RAB33A: variants seen among roughly 807,000 people sequenced by gnomAD.
RAB33A encodes the protein ras-related protein Rab-33A.
A neutral mutation model predicts 12.0 loss-of-function variants in RAB33A; 6 were observed. The observed-to-expected ratio is 0.50, with a 90% CI of 0.27 to 0.99. RAB33A has a LOEUF of 0.99. Among genes scored for constraint, RAB33A ranks in the 50% least tolerant of loss-of-function variants. RAB33A has a pLI of 0.11. For missense variants in RAB33A, 109 were observed against 192.0 expected, an observed-to-expected ratio of 0.57 and a Z score of 2.55; for synonymous variants, 70 against 82.4, an observed-to-expected ratio of 0.85 and a Z score of 0.81.
chrX:130,164,792 TATTA>T, the RAB33A span, among the ~76,000 whole-genome samples: 8 of 111,939 alleles, frequency 7.1e-5, no homozygotes, highest in Non-Finnish European at 1.1e-4. Flanking sequence ...TAGCTCTACC[TATTA>T]ATTAACTATG....
upstream of RAB33A, among the ~76,000 whole-genome samples, chrX:130,169,268 A>G (rs1837559021): frequency 9.0e-6 from 1 of 111,164 alleles, no homozygotes; most frequent in African/African-American, 3.3e-5. Flanking sequence ...TATTTACTTA[A>G]CATTTTAACA....
the RAB33A span, chrX:130,136,745 C>G: frequency 8.3e-7 from 1 of 1,201,513 alleles, no homozygotes; most frequent in Non-Finnish European, 1.1e-6. Flanking sequence ...TAAAGGCAAA[C>G]AAGACCTGAG....
At chrX:130,145,359 T>A in the RAB33A span, 1 of 592,321 alleles carries the variant, frequency 1.7e-6, no homozygotes, top group Non-Finnish European at 2.9e-6. Flanking sequence ...AGCAGCTCGA[T>A]CCTTCTTTGA....
At position 130,171,987 on chromosome X, in the gene RAB33A, C is replaced by A. The variant is rs1298326826; in HGVS notation, c.-76C>A. The A allele has an allele frequency of 4.7e-6, 5 of 1,066,705 alleles. No homozygotes were observed. The highest frequency in any genetic ancestry group is 6.2e-6 in the Non-Finnish European group (5 of 811,570). The allele number at this position is 1,066,705 out of a possible 1,213,427, so 87.9% of individuals were successfully genotyped here. ...ACACACGCACAGAGCTCGCTCGCCT[C>A]GAGCGCACGAACGTGGACGTTCTCT... On this transcript the variant is annotated 5_prime_UTR_variant, in exon 1 of 2. Transcript: ENST00000257017.
the RAB33A span, chrX:130,131,843 A>G: frequency 1.7e-6 from 2 of 1,198,836 alleles, no homozygotes; most frequent in Non-Finnish European, 2.3e-6. Context: ...ACTGTAAGGA[A>G]TGACACGGTA....
At chrX:130,154,045 T>C in the RAB33A span, among the ~76,000 whole-genome samples, 3 of 112,500 alleles carry the variant, frequency 2.7e-5, no homozygotes, top group Non-Finnish European at 3.7e-5. Context: ...AAGTTTTCAA[T>C]AATTTAGAAC....
chrX:130,172,377 G>A (rs2031620074), intron 1 of RAB33A, 57 bp downstream of exon 1: 1 of 1,147,011 alleles, frequency 8.7e-7, no homozygotes, highest in Non-Finnish European at 1.2e-6. Context: ...CCTCGCCCGA[G>A]GCATAGCTCT....
At chrX:130,166,273 T>C in the RAB33A span, among the ~76,000 whole-genome samples, 1 of 111,776 alleles carries the variant, frequency 8.9e-6, no homozygotes, top group Admixed American at 9.5e-5. Context: ...TTCCATCTTT[T>C]ACCAGTTGCC....
chrX:130,168,210 C>CTTT (rs377586962), upstream of RAB33A, among the ~76,000 whole-genome samples: 2 of 94,168 alleles, frequency 2.1e-5, no homozygotes. Context: ...CAAAGATACT[C>CTTT]TTTTTTTTTT....
At chrX:130,171,931 C>A (rs1445801037), upstream of RAB33A, 5 of 793,843 alleles carry the variant, frequency 6.3e-6, no homozygotes, top group Non-Finnish European at 8.6e-6. Flanking sequence ...CGCACGCACA[C>A]ACGGGCGGAC....
chrX:130,143,446 G>C, the RAB33A span, among the ~76,000 whole-genome samples: 6 of 111,194 alleles, frequency 5.4e-5, no homozygotes, highest in African/African-American at 1.3e-4. Flanking sequence ...AATCATCTTT[G>C]CCTCCTCCAT....
the RAB33A span, among the ~76,000 whole-genome samples, chrX:130,124,331 TAC>T: frequency 8.9e-6 from 1 of 112,053 alleles, no homozygotes; most frequent in Admixed American, 9.5e-5. Flanking sequence ...AAGAAATGAA[TAC>T]ATTTATTTGT....
the RAB33A span, among the ~76,000 whole-genome samples, chrX:130,148,407 T>C: frequency 6.3e-5 from 7 of 111,517 alleles, no homozygotes; most frequent in Non-Finnish European, 9.4e-5. Context: ...TCTCTGAAAA[T>C]TGAAGTGAAT....
chrX:130,184,758 A>G lies in RAB33A; in HGVS notation c.*18A>G, dbSNP rs765300586. 2.5e-6 allele frequency: 3 copies of G among 1,182,302 alleles called. No homozygotes were observed. The Admixed American group carries it at 6.8e-5, about 27-fold the overall frequency. On this transcript the variant is annotated 3_prime_UTR_variant, in exon 2 of 2. Coordinates refer to ENST00000257017, the MANE Select transcript of RAB33A (RefSeq NM_004794.3). ...CTTGTTGAAACCAAACGATATAAAT[A>G]CAAGATAAATTATCACTGGAGTTTT...
chrX:130,175,877 C>T (rs1245887032), intron 1 of RAB33A, among the ~76,000 whole-genome samples: 1 of 111,637 alleles, frequency 9.0e-6, no homozygotes, highest in Admixed American at 9.5e-5. Context: ...TTCTGTGATC[C>T]AGTGTCCTCC....
the RAB33A span, among the ~76,000 whole-genome samples, chrX:130,131,980 C>T: frequency 6.3e-5 from 7 of 111,080 alleles, no homozygotes; most frequent in Admixed American, 6.7e-4. Context: ...TCAAGTGATT[C>T]TCCAGCCTCA....
At chrX:130,119,221 C>A in the RAB33A span, among the ~76,000 whole-genome samples, 1 of 111,275 alleles carries the variant, frequency 9.0e-6, no homozygotes, top group Non-Finnish European at 1.9e-5. Context: ...CCCACTCCCC[C>A]ACCCCCTCCA....
chrX:130,122,400 T>A, the RAB33A span, among the ~76,000 whole-genome samples: 6 of 112,693 alleles, frequency 5.3e-5, no homozygotes, highest in East Asian at 1.7e-3. Flanking sequence ...CAAATCATGG[T>A]ACTGGATTGG....
At chrX:130,171,812 G>A, upstream of RAB33A, 1 of 389,648 alleles carries the variant, frequency 2.6e-6, no homozygotes, top group South Asian at 4.6e-5. Flanking sequence ...CCTCTCCCTG[G>A]CTTTTGTGTT....
Sources: allele counts gnomAD v4.1 joint callset (sites outside exome capture counted in the v4.1 genomes callset), GRCh38; gene constraint gnomAD v4.1.1; transcripts MANE v1.5; gene names NCBI Gene and HGNC (gene_info 2026-07-23, HGNC 2026-07-21).